The following BRINP3 variants were observed in gnomAD, a reference collection of about 807,000 sequenced individuals.
The protein encoded by BRINP3 is BMP/retinoic acid inducible neural specific 3.
In BRINP3, 19 loss-of-function variants were observed where a neutral mutation model predicts 71.0. The observed-to-expected ratio is 0.27, with a 90% CI of 0.19 to 0.39. The LOEUF (loss-of-function observed/expected upper bound fraction) is 0.39. BRINP3 is among the 10% of genes least tolerant of loss of function. BRINP3 has a pLI of 1.00. For synonymous variants in BRINP3, 380 were observed against 337.7 expected (o/e 1.13, Z -1.37); for missense variants, 959 against 940.8 (o/e 1.02, Z -0.25).
chr1:190,317,028 C>T lies in BRINP3; in HGVS notation c.237-35278G>A, dbSNP rs149913899. On this transcript the variant is annotated intron_variant, in intron 2 of 7. Coordinates refer to ENST00000367462, the MANE Select transcript of BRINP3 (RefSeq NM_199051.3). The stretch of plus-strand genomic sequence containing the variant: ...TCTCTACTAAAATAGAAAAATTAGC[C>T]GGGCATGATGGTGGGTGCCTATAAT... Among the ~76,000 whole-genome samples, 503 of 151,610 alleles carry T rather than the reference C, an allele frequency of 3.3e-3. 3 individuals are homozygous for T. Among genetic ancestry groups the T allele is most frequent in the African/African-American group, 0.012 (490 of 41,344 alleles).
intron 3 of BRINP3, 50 bp from the exon 4 acceptor site, chr1:190,265,105 T>C (rs537241283): frequency 3.9e-5 from 59 of 1,520,584 alleles, no homozygotes; most frequent in Admixed American, 1.9e-4. Context: ...AAAATCTTTT[T>C]TTTTAACTTA....
At chr1:190,341,562 C>T (rs575292467) in intron 2 of BRINP3, among the ~76,000 whole-genome samples, 2 of 151,704 alleles carry the variant, frequency 1.3e-5, no homozygotes, top group East Asian at 2.0e-4. Context: ...CAACAAAAAA[C>T]GTGATCTATG....
chr1:190,180,769 T>G (rs937037423), intron 6 of BRINP3, among the ~76,000 whole-genome samples: 2 of 152,050 alleles, frequency 1.3e-5, no homozygotes, highest in Non-Finnish European at 2.9e-5. Context: ...TTAAAAAAAC[T>G]TTATATAACA....
intron 2 of BRINP3, among the ~76,000 whole-genome samples, chr1:190,401,555 A>G (rs1370356246): frequency 6.6e-6 from 1 of 152,070 alleles, no homozygotes; most frequent in East Asian, 1.9e-4. Context: ...CTTAATAAAA[A>G]TGCAAATTCT....
At chr1:190,233,279 A>C (rs990241603) in intron 5 of BRINP3, among the ~76,000 whole-genome samples, 2 of 151,958 alleles carry the variant, frequency 1.3e-5, no homozygotes, top group African/African-American at 4.8e-5. Flanking sequence ...TGCAACCTTG[A>C]ACTCTTAGGT....
chr1:190,353,630 G>T (rs1384737744), intron 2 of BRINP3, among the ~76,000 whole-genome samples: 2 of 151,972 alleles, frequency 1.3e-5, no homozygotes, highest in Non-Finnish European at 2.9e-5. Context: ...ACATGTGTAT[G>T]TATGTATATT....
chr1:190,116,961 T>C (rs956221868), intron 7 of BRINP3, among the ~76,000 whole-genome samples: 34 of 152,096 alleles, frequency 2.2e-4, no homozygotes, highest in African/African-American at 8.0e-4. Flanking sequence ...AAAAAGCTTA[T>C]GACTTGTTTA....
At chr1:190,356,381 T>G (rs1353931932) in intron 2 of BRINP3, among the ~76,000 whole-genome samples, 2 of 151,980 alleles carry the variant, frequency 1.3e-5, no homozygotes, top group Non-Finnish European at 1.5e-5. Context: ...TTAACAGAAA[T>G]GACTGTAAAC....
chr1:190,411,741 A>G (rs978222104), intron 2 of BRINP3, among the ~76,000 whole-genome samples: 3 of 152,212 alleles, frequency 2.0e-5, no homozygotes, highest in Non-Finnish European at 4.4e-5. Context: ...GTGGAATAAA[A>G]AAGGTAGAGT....
chr1:190,474,354 A>T (rs1677358490), intron 1 of BRINP3: 1 of 152,662 alleles, frequency 6.6e-6, no homozygotes, highest in Non-Finnish European at 1.5e-5. Flanking sequence ...AAAAAACATC[A>T]CGATAGTAAA....
At chr1:190,342,228 T>C (rs1401598327) in intron 2 of BRINP3, among the ~76,000 whole-genome samples, 1 of 151,692 alleles carries the variant, frequency 6.6e-6, no homozygotes, top group African/African-American at 2.4e-5. Context: ...TTAAGGAGGC[T>C]ATCATATAGT....
intron 2 of BRINP3, among the ~76,000 whole-genome samples, chr1:190,356,032 A>G (rs769992916): frequency 2.0e-5 from 3 of 151,966 alleles, no homozygotes; most frequent in Non-Finnish European, 4.4e-5. Flanking sequence ...CTTGTTCAGT[A>G]TCTGTTCAAT....
chr1:190,217,777 G>A (rs1028513814), intron 6 of BRINP3, among the ~76,000 whole-genome samples: 2 of 151,922 alleles, frequency 1.3e-5, no homozygotes, highest in South Asian at 2.1e-4. Flanking sequence ...TCGACATAAC[G>A]GCATCCACTA....
chr1:190,454,339 A>T (rs1171032), intron 2 of BRINP3, among the ~76,000 whole-genome samples: 56,478 of 152,040 alleles, frequency 0.37, 11,803 homozygotes, highest in Non-Finnish European at 0.47. Flanking sequence ...GCAATTTTTT[A>T]AATTTCACTT....
At chr1:190,303,596 C>G (rs1664884203) in intron 2 of BRINP3, among the ~76,000 whole-genome samples, 1 of 151,574 alleles carries the variant, frequency 6.6e-6, no homozygotes, top group African/African-American at 2.4e-5. Context: ...GTCAAATAGC[C>G]TTACTTATTC....
chr1:190,308,983 T>C (rs946517638), intron 2 of BRINP3, among the ~76,000 whole-genome samples: 1 of 151,938 alleles, frequency 6.6e-6, no homozygotes, highest in Non-Finnish European at 1.5e-5. Context: ...GTCAAATAAA[T>C]ATTTGTATAC....
At chr1:190,280,572 A>T (rs1662959697) in intron 3 of BRINP3, among the ~76,000 whole-genome samples, 1 of 151,858 alleles carries the variant, frequency 6.6e-6, no homozygotes, top group Admixed American at 6.6e-5. Flanking sequence ...TTGCTGAAAG[A>T]CTGGGCTGGC....
At chr1:190,141,264 A>T (rs1655407840) in intron 7 of BRINP3, among the ~76,000 whole-genome samples, 1 of 151,980 alleles carries the variant, frequency 6.6e-6, no homozygotes, top group Admixed American at 6.6e-5. Flanking sequence ...TATTTTATAG[A>T]TGTTCTGCTA....
intron 2 of BRINP3, among the ~76,000 whole-genome samples, chr1:190,443,494 TTTCCCTAG>T (rs202213751): frequency 0.016 from 2,497 of 152,218 alleles, 67 homozygotes; most frequent in African/African-American, 0.053. Flanking sequence ...AAACATTCTC[TTTCCCTAG>T]TTTAAAGTAT....
Sources: gnomAD v4.1 joint callset for allele counts (sites outside exome capture counted in the v4.1 genomes callset) on GRCh38, gnomAD v4.1.1 for gene constraint, MANE v1.5 for transcripts, NCBI Gene and HGNC (gene_info 2026-07-23, HGNC 2026-07-21) for gene names.